Variants in CAMTA1 observed in about 807,000 individuals in gnomAD.
The protein encoded by CAMTA1 is calmodulin binding transcription activator 1, also known as calmodulin-binding transcription activator 1.
A neutral mutation model predicts 170.9 loss-of-function variants in CAMTA1; 27 were observed. The ratio of observed to expected loss-of-function variants is 0.16; its 90% CI spans 0.12 to 0.22. The LOEUF (loss-of-function observed/expected upper bound fraction) is 0.22, where lower values mean the gene tolerates loss of function less well. CAMTA1 is among the 10% of genes least tolerant of loss of function. The pLI is 1.00. For missense variants in CAMTA1, 1,619 were observed against 2,217.2 expected (o/e 0.73, Z 5.42); for synonymous variants, 833 against 891.5 (o/e 0.93, Z 1.17).
intron 6 of CAMTA1, among the ~76,000 whole-genome samples, chr1:7,638,569 G>A (rs1179099223): frequency 1.3e-5 from 2 of 152,188 alleles, no homozygotes; most frequent in Admixed American, 1.3e-4. Context: ...TTGAACCTGG[G>A]AGGTGGAGGT....
intron 6 of CAMTA1, among the ~76,000 whole-genome samples, chr1:7,474,626 A>G (rs1224121438): frequency 1.3e-5 from 2 of 152,180 alleles, no homozygotes; most frequent in Non-Finnish European, 2.9e-5. Context: ...GCGTTGAGCT[A>G]GGCTGAGCCA....
intron 5 of CAMTA1, among the ~76,000 whole-genome samples, chr1:7,384,246 T>A (rs1014854210): frequency 1.3e-5 from 2 of 152,226 alleles, no homozygotes; most frequent in African/African-American, 4.8e-5. Context: ...ACTTACTGCT[T>A]CTGCCAGAGG....
chr1:7,710,121 T>G (rs1416442253), intron 11 of CAMTA1, among the ~76,000 whole-genome samples: 1 of 152,254 alleles, frequency 6.6e-6, no homozygotes, highest in Non-Finnish European at 1.5e-5. Flanking sequence ...ATTCAACAGA[T>G]AGTCTCCAGC....
intron 5 of CAMTA1, among the ~76,000 whole-genome samples, chr1:7,310,700 C>CTCTCTCTTTCTT (rs1361709842): frequency 3.7e-4 from 20 of 53,486 alleles, no homozygotes; most frequent in Non-Finnish European, 5.4e-4. Flanking sequence ...CTCTCTCTCT[C>CTCTCTCTTTCTT]TCTTTCTTTC....
chr1:6,789,804 C>CTTTTTTTTTTTTTTTTTTTTTTTTTTTTT (rs34542033), intron 1 of CAMTA1, among the ~76,000 whole-genome samples: 1 of 85,662 alleles, frequency 1.2e-5, no homozygotes, highest in Non-Finnish European at 2.1e-5. Context: ...TTTAGTGTAT[C>CTTTTTTTTTTTTTTTTTTTTTTTTTTTTT]TTTTTTTTTT....
At chr1:7,411,593 T>A (rs1191066118) in intron 5 of CAMTA1, among the ~76,000 whole-genome samples, 1 of 150,354 alleles carries the variant, frequency 6.7e-6, no homozygotes, top group Non-Finnish European at 1.5e-5. Context: ...TCTTTTTTTT[T>A]AAGCCATGAT....
chr1:7,476,909 G>A (rs555410534), intron 6 of CAMTA1, among the ~76,000 whole-genome samples: 1 of 152,350 alleles, frequency 6.6e-6, no homozygotes, highest in Non-Finnish European at 1.5e-5. Flanking sequence ...ATGTGGAAAG[G>A]AGGCTGGGTC....
At chr1:6,973,621 A>G (rs1252703543) in intron 3 of CAMTA1, among the ~76,000 whole-genome samples, 1 of 152,130 alleles carries the variant, frequency 6.6e-6, no homozygotes, top group Non-Finnish European at 1.5e-5. Flanking sequence ...TTCAGATATG[A>G]CTTGTTTTGG....
At chr1:6,877,945 A>G (rs1670404771) in intron 3 of CAMTA1, among the ~76,000 whole-genome samples, 1 of 152,218 alleles carries the variant, frequency 6.6e-6, no homozygotes, top group Non-Finnish European at 1.5e-5. Context: ...GTCCTTGCAC[A>G]TAGTAGATAC....
chr1:7,657,319 G>T (rs185047581), intron 7 of CAMTA1, among the ~76,000 whole-genome samples: 1 of 152,160 alleles, frequency 6.6e-6, no homozygotes, highest in East Asian at 1.9e-4. Context: ...CTGCAGAGAG[G>T]GTCCCTCTGT....
At chr1:6,966,459 C>G (rs1340024560) in intron 3 of CAMTA1, among the ~76,000 whole-genome samples, 1 of 152,172 alleles carries the variant, frequency 6.6e-6, no homozygotes, top group African/African-American at 2.4e-5. Flanking sequence ...TTGTCTCTGG[C>G]TTCTTTCCCC....
At chr1:7,474,787 C>T (rs915301055) in intron 6 of CAMTA1, among the ~76,000 whole-genome samples, 1 of 152,256 alleles carries the variant, frequency 6.6e-6, no homozygotes. Context: ...CCCTTAGCCA[C>T]CCAAGAGACT....
rs1699609587 is a variant in CAMTA1 at position 7,010,350 on chromosome 1, G to T, written c.235-80954G>T. On this transcript the variant is annotated intron_variant, in intron 3 of 22. Transcript: ENST00000303635. The surrounding 1 kb of genome is among the most constrained non-coding windows in gnomAD (Gnocchi z 4.4). ...GGCTCTCTCTGGCCCTTGCTTGGTT[G>T]AGCTCAGCTGTGCTCAGTGACTTTG... 6.6e-6 allele frequency among the ~76,000 whole-genome samples: 1 copy of T among 152,200 alleles called. No individual in the cohort carries two copies. Among genetic ancestry groups the T allele is most frequent in the African/African-American group, 2.4e-5 (1 of 41,458 alleles).
chr1:6,888,858 A>T (rs1379706028), intron 3 of CAMTA1, among the ~76,000 whole-genome samples: 3 of 152,022 alleles, frequency 2.0e-5, no homozygotes, highest in Non-Finnish European at 4.4e-5. Context: ...CAGAAACAAA[A>T]CCAAGGAGAC....
At chr1:7,042,006 TA>T (rs527513008) in intron 3 of CAMTA1, among the ~76,000 whole-genome samples, 11 of 152,314 alleles carry the variant, frequency 7.2e-5, no homozygotes, top group African/African-American at 2.6e-4. Flanking sequence ...GGAGAGTTTT[TA>T]GGGTTTAAAG....
intron 5 of CAMTA1, among the ~76,000 whole-genome samples, chr1:7,330,703 T>C (rs943165092): frequency 3.9e-5 from 6 of 152,234 alleles, no homozygotes; most frequent in Non-Finnish European, 1.5e-5. Context: ...CAATCACAAC[T>C]GTTTATACTA....
intron 3 of CAMTA1, among the ~76,000 whole-genome samples, chr1:6,929,634 A>G (rs1571812100): frequency 6.6e-6 from 1 of 152,292 alleles, no homozygotes; most frequent in East Asian, 1.9e-4. Flanking sequence ...AAGTGCTGGG[A>G]TTACAGGCGT....
At chr1:7,737,787 G>C (rs1168555373) in intron 15 of CAMTA1, among the ~76,000 whole-genome samples, 172 bp from the exon 16 acceptor site, 1 of 152,194 alleles carries the variant, frequency 6.6e-6, no homozygotes, top group Admixed American at 6.5e-5. Context: ...CATAATTTTG[G>C]AGGAGGAAGA....
intron 3 of CAMTA1, among the ~76,000 whole-genome samples, chr1:6,879,391 A>T (rs1670829362): frequency 6.6e-6 from 1 of 152,190 alleles, no homozygotes; most frequent in Admixed American, 6.5e-5. Flanking sequence ...TTCAGAAGTC[A>T]ATTAAATCTT....
Sources: gnomAD v4.1 joint callset for allele counts (sites outside exome capture counted in the v4.1 genomes callset) on GRCh38, gnomAD v4.1.1 for gene constraint, Gnocchi (gnomAD v3.1) non-coding constraint, MANE v1.5 for transcripts, NCBI Gene and HGNC (gene_info 2026-07-23, HGNC 2026-07-21) for gene names.